The following SLC30A8 variants were observed in gnomAD, a reference collection of about 807,000 sequenced individuals.
SLC30A8 encodes solute carrier family 30 member 8, also known as proton-coupled zinc antiporter SLC30A8.
SLC30A8 carries 27 observed loss-of-function variants against 36.9 expected under a neutral mutation model. The observed-to-expected ratio is 0.73, with a 90% CI of 0.54 to 1.01. SLC30A8 has a LOEUF of 1.01. Among genes scored for constraint, SLC30A8 ranks in the 50% least tolerant of loss-of-function variants. SLC30A8 has a pLI of 0.00. For missense variants in SLC30A8, 439 were observed against 452.0 expected (o/e 0.97, Z 0.26); for synonymous variants, 164 against 172.4 (o/e 0.95, Z 0.38).
At chr8:117,124,817 C>G (rs762128028) in intron 2 of SLC30A8, among the ~76,000 whole-genome samples, 7 of 151,318 alleles carry the variant, frequency 4.6e-5, no homozygotes, top group African/African-American at 9.7e-5. Context: ...GGTGTGGGCT[C>G]CTATTGGGTA....
At chr8:117,140,422 C>A (rs1206052703) in intron 1 of SLC30A8, among the ~76,000 whole-genome samples, 1 of 151,910 alleles carries the variant, frequency 6.6e-6, no homozygotes, top group African/African-American at 2.4e-5. Flanking sequence ...AAGAATCAAG[C>A]AAATAGATTT....
rs149015663 is a variant in SLC30A8, at chr8:117,070,848, G to A, written c.-226+31590G>A. 9.9e-4 allele frequency among the ~76,000 whole-genome samples: 151 copies of A among 152,206 alleles called. 1 individual carries two copies. Among genetic ancestry groups the A allele is most frequent in the African/African-American group, 3.5e-3 (147 of 41,536 alleles). The stretch of plus-strand genomic sequence containing the variant: ...GAGATCATGCAGTATTTGTCTTTTT[G>A]TGGCTGTCTTATTTACTTAGCATGA... On this transcript the variant is annotated intron_variant, in intron 2 of 10. Transcript: ENST00000427715.
At chr8:117,040,166 G>A (rs7011057) in intron 2 of SLC30A8, among the ~76,000 whole-genome samples, 51,076 of 152,116 alleles carry the variant, frequency 0.34, 10,890 homozygotes, top group African/African-American at 0.61. Flanking sequence ...CTTGTGACTA[G>A]TTCGGAATAC....
chr8:117,083,551 T>G (rs1184366529), intron 2 of SLC30A8, among the ~76,000 whole-genome samples: 1 of 152,218 alleles, frequency 6.6e-6, no homozygotes, highest in Middle Eastern at 3.2e-3. Context: ...AATTGTCTGC[T>G]CAACCATTCT....
At chr8:117,103,562 C>T (rs917821279) in intron 2 of SLC30A8, among the ~76,000 whole-genome samples, 2 of 152,176 alleles carry the variant, frequency 1.3e-5, no homozygotes, top group African/African-American at 4.8e-5. Context: ...GCAACCTTCA[C>T]CTCCTGGGTT....
chr8:116,991,518 T>C (rs1815645206), intron 1 of SLC30A8, among the ~76,000 whole-genome samples: 1 of 152,182 alleles, frequency 6.6e-6, no homozygotes, highest in Non-Finnish European at 1.5e-5. Context: ...TTGGCCAGGC[T>C]GATCTTAAAC....
chr8:116,968,473 A>G (rs1307741973), intron 1 of SLC30A8, among the ~76,000 whole-genome samples: 1 of 151,582 alleles, frequency 6.6e-6, no homozygotes, highest in Non-Finnish European at 1.5e-5. Context: ...TGTTTTATTC[A>G]TGGCAGAGAC....
chr8:117,005,634 T>G (rs1312081521), intron 1 of SLC30A8, among the ~76,000 whole-genome samples: 4 of 152,230 alleles, frequency 2.6e-5, no homozygotes, highest in African/African-American at 9.6e-5. Flanking sequence ...TGTTTAACCT[T>G]TTGAGGAACT....
intron 2 of SLC30A8, among the ~76,000 whole-genome samples, chr8:117,045,231 A>G (rs1817513727): frequency 6.6e-6 from 1 of 152,132 alleles, no homozygotes; most frequent in African/African-American, 2.4e-5. Context: ...TTTCTAGTGG[A>G]GGAACCTTTT....
At chr8:117,159,535 A>C (rs1344261179) in intron 4 of SLC30A8, among the ~76,000 whole-genome samples, 2 of 152,174 alleles carry the variant, frequency 1.3e-5, no homozygotes, top group Non-Finnish European at 2.9e-5. Context: ...AATTAGAAGA[A>C]TGGTGTTTGA....
chr8:117,032,183 C>G (rs902633585), intron 1 of SLC30A8, among the ~76,000 whole-genome samples: 6 of 151,764 alleles, frequency 4.0e-5, no homozygotes, highest in African/African-American at 7.3e-5. Context: ...TTCTCAGGCA[C>G]AGTAAACTTC....
At chr8:116,993,539 A>C (rs529940368) in intron 1 of SLC30A8, among the ~76,000 whole-genome samples, 19 of 152,176 alleles carry the variant, frequency 1.2e-4, no homozygotes, top group African/African-American at 4.3e-4. Context: ...ACCCAGAGAC[A>C]ATCTAGATGT....
At chr8:117,004,781 T>A (rs1018977100) in intron 1 of SLC30A8, among the ~76,000 whole-genome samples, 1 of 152,210 alleles carries the variant, frequency 6.6e-6, no homozygotes, top group African/African-American at 2.4e-5. Context: ...TTGATTGTTT[T>A]TATTTTTCTT....
chr8:116,989,687 G>A (rs1815566334), intron 1 of SLC30A8, among the ~76,000 whole-genome samples: 1 of 152,166 alleles, frequency 6.6e-6, no homozygotes, highest in South Asian at 2.1e-4. Context: ...GATGCAGTAG[G>A]ACACGAAGTT....
At chr8:117,054,027 A>T (rs1304377138) in intron 2 of SLC30A8, among the ~76,000 whole-genome samples, 4 of 151,900 alleles carry the variant, frequency 2.6e-5, no homozygotes, top group Non-Finnish European at 5.9e-5. Flanking sequence ...TTCATTACAG[A>T]TATGTGAGAA....
intron 1 of SLC30A8, among the ~76,000 whole-genome samples, chr8:117,014,098 G>A (rs535877349): frequency 1.3e-5 from 2 of 152,176 alleles, no homozygotes; most frequent in African/African-American, 2.4e-5. Context: ...TTGCCACTGC[G>A]TTTAATGGCA....
At chr8:117,026,560 G>A (rs1816880191) in intron 1 of SLC30A8, among the ~76,000 whole-genome samples, 1 of 152,136 alleles carries the variant, frequency 6.6e-6, no homozygotes, top group African/African-American at 2.4e-5. Context: ...AGGTTTATTA[G>A]CCTCCTTTTA....
chr8:117,086,580 T>G (rs1262027393), intron 2 of SLC30A8, among the ~76,000 whole-genome samples: 1 of 152,202 alleles, frequency 6.6e-6, no homozygotes, highest in Non-Finnish European at 1.5e-5. Flanking sequence ...TAAGTTAGGC[T>G]TAGCTCCAAG....
At chr8:117,150,396 G>A (rs1438704293) in intron 2 of SLC30A8, among the ~76,000 whole-genome samples, 2 of 152,108 alleles carry the variant, frequency 1.3e-5, no homozygotes, top group Non-Finnish European at 2.9e-5. Flanking sequence ...TGAGACCCAG[G>A]CCCCATCGTT....
Sources: allele counts gnomAD v4.1 joint callset (sites outside exome capture counted in the v4.1 genomes callset), GRCh38; gene constraint gnomAD v4.1.1; transcripts MANE v1.5; gene names NCBI Gene and HGNC (gene_info 2026-07-23, HGNC 2026-07-21).